The following ANK2 variants were observed in gnomAD, a reference collection of about 807,000 sequenced individuals.
ANK2 encodes the protein ankyrin 2, also known as ankyrin-2.
In ANK2, 83 loss-of-function variants were observed where a neutral mutation model predicts 360.5. That is an observed-to-expected ratio of 0.23 (90% CI 0.19 to 0.28). The LOEUF (loss-of-function observed/expected upper bound fraction) is 0.28, where lower values mean the gene tolerates loss of function less well. Ranked by LOEUF, ANK2 falls within the 10% of genes least tolerant of loss-of-function variation. The probability of loss-of-function intolerance (pLI) is 1.00; values close to 1 mark genes in which losing one functional copy is unlikely to be tolerated. For synonymous variants in ANK2, 1,740 were observed against 1,759.5 expected (o/e 0.99, Z 0.28); for missense variants, 4,201 against 4,795.7 (o/e 0.88, Z 3.66).
chr4:112,946,374 C>A (rs895193295), intron 2 of ANK2, among the ~76,000 whole-genome samples: 2 of 152,068 alleles, frequency 1.3e-5, no homozygotes, highest in African/African-American at 4.8e-5. Context: ...TAAGTGCAGC[C>A]CAAGTCAGAG....
At chr4:113,351,480 A>G (rs572888558) in intron 37 of ANK2, among the ~76,000 whole-genome samples, 1 of 152,322 alleles carries the variant, frequency 6.6e-6, no homozygotes, top group Admixed American at 6.5e-5. Flanking sequence ...ATAAATTTAT[A>G]TGTGTAAATT....
intron 1 of ANK2, among the ~76,000 whole-genome samples, chr4:112,828,185 T>C (rs1217521562): frequency 1.3e-5 from 2 of 150,658 alleles, no homozygotes; most frequent in African/African-American, 4.9e-5. Context: ...GAAACATGAC[T>C]CCTTTCTTTC....
intron 4 of ANK2, among the ~76,000 whole-genome samples, chr4:113,203,902 G>A (rs553253757): frequency 5.7e-4 from 86 of 152,032 alleles, no homozygotes; most frequent in African/African-American, 1.9e-3. Context: ...TCCTATTCAG[G>A]TCCAAATAAG....
the ANK2 span, among the ~76,000 whole-genome samples, chr4:112,811,755 A>G: frequency 6.6e-6 from 1 of 152,296 alleles, no homozygotes; most frequent in African/African-American, 2.4e-5. Context: ...AGATTCTTCT[A>G]ATAGAGTTCG....
intron 35 of ANK2, among the ~76,000 whole-genome samples, chr4:113,346,809 A>G (rs2094911391): frequency 6.6e-6 from 1 of 152,214 alleles, no homozygotes; most frequent in Admixed American, 6.6e-5. Context: ...ACCTACAGGA[A>G]TTACTTTCTT....
At chr4:112,841,785 T>G (rs1000772315) in intron 1 of ANK2, among the ~76,000 whole-genome samples, 1 of 152,222 alleles carries the variant, frequency 6.6e-6, no homozygotes, top group African/African-American at 2.4e-5. Context: ...TCCGCACTTG[T>G]AGCCCTACCA....
In ANK2 at chr4:113,270,498, CATTAATACATATATAG is replaced by C. The variant is rs1563307279; in HGVS notation, c.1486-3953_1486-3938del. On this transcript the variant is annotated intron_variant, in intron 14 of 45. Coordinates refer to ENST00000357077, the MANE Select transcript of ANK2 (RefSeq NM_001148.6). ...TCTCTTTTGCAACTACATTTAGTAT[CATTAATACATATATAG>C]CTACCTCTTAATTCCTTATTCCTTC... Among the ~76,000 whole-genome samples, 5 of 152,242 alleles carry C rather than the reference CATTAATACATATATAG, an allele frequency of 3.3e-5. No homozygotes were observed. The East Asian group carries it at 9.6e-4, about 29-fold the overall frequency.
intron 2 of ANK2, among the ~76,000 whole-genome samples, chr4:112,999,262 G>A (rs566262591): frequency 3.2e-4 from 45 of 140,528 alleles, no homozygotes; most frequent in Non-Finnish European, 4.2e-4. Flanking sequence ...AGTTTCAAAA[G>A]AGTAACTATA....
Position 113,042,940 on chromosome 4 carries a change from G to A in ANK2, c.22-131476G>A, listed in dbSNP as rs1002606472. 4.6e-5 allele frequency among the ~76,000 whole-genome samples: 7 copies of A among 152,188 alleles called. 2 individuals are homozygous for A. The highest frequency in any genetic ancestry group is 4.6e-4 in the Admixed American group (7 of 15,276). On this transcript the variant is annotated intron_variant, in intron 2 of 30. Transcript: ENST00000503271. ...TGTAATACCTTATCTCCTACAGAGG[G>A]TGTTACTGTATTTCTGGTTCTATGA...
chr4:113,329,754 C>T (rs905746238), intron 26 of ANK2, among the ~76,000 whole-genome samples: 1 of 152,206 alleles, frequency 6.6e-6, no homozygotes, highest in African/African-American at 2.4e-5. Context: ...AGTTAAAAAT[C>T]TACATCCTGG....
At chr4:112,981,111 G>A (rs933015568) in intron 2 of ANK2, among the ~76,000 whole-genome samples, 6 of 152,242 alleles carry the variant, frequency 3.9e-5, no homozygotes, top group South Asian at 2.1e-4. Context: ...TCTGGAAGGA[G>A]TTGTAAGGAA....
intron 24 of ANK2, among the ~76,000 whole-genome samples, chr4:113,315,070 T>G (rs2153829972): frequency 6.6e-6 from 1 of 152,348 alleles, no homozygotes; most frequent in East Asian, 1.9e-4. Flanking sequence ...TCCTTCTTTC[T>G]TTTCTTATCC....
chr4:113,274,472 T>A lies in ANK2; in HGVS notation c.1506T>A (p.His502Gln), dbSNP rs771550268. ...TGTAGGAGGAACAGACACCTTTACA[T>A]ATTGCCTCCCGCCTGGGTAAGACAG... ...ARAREEQTPL[H>Q]IASRLGKTEI... Residue 502 changes from histidine to glutamine, a missense_variant, in exon 15 of 46, where the codon CAT becomes CAA. Transcript: ENST00000357077. 1 of 1,614,120 alleles carries A rather than the reference T, an allele frequency of 6.2e-7. No individual in the cohort carries two copies. The highest frequency in any genetic ancestry group is 8.5e-7 in the Non-Finnish European group (1 of 1,180,048).
chr4:113,320,188 A>C (rs922223793), intron 26 of ANK2, among the ~76,000 whole-genome samples: 1 of 152,220 alleles, frequency 6.6e-6, no homozygotes, highest in Non-Finnish European at 1.5e-5. Flanking sequence ...TGCACTACTT[A>C]TGATGAACCA....
chr4:112,888,038 A>G (rs2078908638), intron 1 of ANK2, among the ~76,000 whole-genome samples: 4 of 152,202 alleles, frequency 2.6e-5, no homozygotes, highest in Admixed American at 2.6e-4. Context: ...CAGATATCAT[A>G]GCTGTACTAT....
At chr4:113,292,753 C>T (rs2153744808) in intron 21 of ANK2, among the ~76,000 whole-genome samples, 2 of 152,180 alleles carry the variant, frequency 1.3e-5, no homozygotes, top group Middle Eastern at 3.4e-3. Flanking sequence ...GAGACGGGGG[C>T]CCTCCGCTTG....
At chr4:113,210,037 G>A (rs562425582) in intron 4 of ANK2, among the ~76,000 whole-genome samples, 19 of 152,316 alleles carry the variant, frequency 1.2e-4, no homozygotes, top group Admixed American at 4.6e-4. Context: ...ATGTTAAGAT[G>A]TTAGCTTTTG....
At chr4:113,164,658 G>A (rs2097688779) in intron 1 of ANK2, among the ~76,000 whole-genome samples, 1 of 152,210 alleles carries the variant, frequency 6.6e-6, no homozygotes, top group Non-Finnish European at 1.5e-5. Flanking sequence ...AACACTATAA[G>A]ATGCGGATGC....
upstream of ANK2, among the ~76,000 whole-genome samples, chr4:113,048,097 C>T (rs1475474732): frequency 6.6e-6 from 1 of 151,342 alleles, no homozygotes; most frequent in Non-Finnish European, 1.5e-5. Flanking sequence ...TATACACTAT[C>T]TCGTTGGTTT....
Sources: gnomAD v4.1 joint callset for allele counts (sites outside exome capture counted in the v4.1 genomes callset) on GRCh38, gnomAD v4.1.1 for gene constraint, MANE v1.5 for transcripts, NCBI Gene and HGNC (gene_info 2026-07-23, HGNC 2026-07-21) for gene names.